The following DST variants were observed in gnomAD, a reference collection of about 807,000 sequenced individuals.
DST encodes the protein dystonin.
DST carries 253 observed loss-of-function variants against 875.2 expected under a neutral mutation model. The ratio of observed to expected loss-of-function variants is 0.29; its 90% CI spans 0.26 to 0.32. The LOEUF (loss-of-function observed/expected upper bound fraction) is 0.32. Ranked by LOEUF, DST falls within the 10% of genes least tolerant of loss-of-function variation. The probability of loss-of-function intolerance (pLI) is 1.00; values close to 1 mark genes in which losing one functional copy is unlikely to be tolerated. For synonymous variants in DST, 3,124 were observed against 3,197.1 expected (o/e 0.98, Z 0.77); for missense variants, 8,287 against 9,111.6 (o/e 0.91, Z 3.68).
chr6:56,464,128 A>C (rs76078908), intron 100 of DST: 1 of 380,380 alleles, frequency 2.6e-6, no homozygotes, highest in East Asian at 6.7e-5. Context: ...CCCTCTCATC[A>C]CACTGAGAAG....
Position 56,608,247 on chromosome 6 carries a change from T to G in DST, c.6381A>C (p.Leu2127=). 2 of 1,613,740 alleles carry G rather than the reference T, an allele frequency of 1.2e-6. No individual in the cohort carries two copies. Among genetic ancestry groups the G allele is most frequent in the South Asian group, 2.2e-5 (2 of 91,082 alleles). The stretch of plus-strand genomic sequence containing the variant: ...ATGCTGTGTTGTTGTCTATAATTCC[T>G]AGCTGTTTAGCAGCATCCAAACCAA... ...QVIGLDAAKQ[L]GIIDNNTASI... is the part of the protein sequence containing the mutation. The change falls in exon 40 of 104, where the codon CTA becomes CTC. Residue 2127 remains leucine (L), a synonymous_variant. Transcript: ENST00000680361.
intron 36 of DST, chr6:56,616,303 A>G: frequency 6.2e-7 from 1 of 1,614,004 alleles, no homozygotes; most frequent in Non-Finnish European, 8.5e-7. Flanking sequence ...GCATATGAGA[A>G]GAATGCCCAT....
intron 2 of DST, among the ~76,000 whole-genome samples, chr6:56,902,411 A>G (rs1331196639): frequency 6.6e-6 from 1 of 152,220 alleles, no homozygotes; most frequent in African/African-American, 2.4e-5. Context: ...CTGAAAGATA[A>G]ATGTGTACAG....
chr6:56,775,220 C>T (rs1188107302), intron 4 of DST, among the ~76,000 whole-genome samples: 2 of 152,062 alleles, frequency 1.3e-5, no homozygotes, highest in African/African-American at 4.8e-5. Context: ...ATAAGCCTCT[C>T]CTCATCCTCT....
chr6:56,559,967 A>T (rs2097508676), intron 58 of DST, among the ~76,000 whole-genome samples: 1 of 152,142 alleles, frequency 6.6e-6, no homozygotes, highest in Non-Finnish European at 1.5e-5. Flanking sequence ...CAGCTTAAAA[A>T]TATATAAAGC....
At chr6:56,781,795 T>C (rs566327871) in intron 4 of DST, among the ~76,000 whole-genome samples, 9,373 of 152,120 alleles carry the variant, frequency 0.062, 911 homozygotes, top group African/African-American at 0.21. Flanking sequence ...ATCCCTGTCT[T>C]GTGCCAGTTT....
At chr6:56,745,071 C>G (rs369063699) in intron 4 of DST, among the ~76,000 whole-genome samples, 1 of 152,094 alleles carries the variant, frequency 6.6e-6, no homozygotes, top group Non-Finnish European at 1.5e-5. Context: ...AGTCCACTCC[C>G]CAGCCACTCG....
rs2097796403 is a variant in DST, at chr6:56,572,738, G to A, written c.13554+9C>T. ...CTGATTAGCCTCCTGAGTAGTAAGGGAGGCATACCTGCATATACTGAGACA... is the reference window on the plus strand; with the variant it reads ...CTGATTAGCCTCCTGAGTAGTAAGGAAGGCATACCTGCATATACTGAGACA... On this transcript the variant is annotated intron_variant, in intron 52 of 103. Transcript: ENST00000680361. 3.2e-6 allele frequency: 5 copies of A among 1,551,072 alleles called. No homozygotes were observed. Among genetic ancestry groups the A allele is most frequent in the Non-Finnish European group, 4.3e-6 (5 of 1,151,882 alleles).
chr6:56,666,697 T>TAATTATCAAGTAAAAAC (rs2152821180), intron 10 of DST, among the ~76,000 whole-genome samples: 1 of 151,570 alleles, frequency 6.6e-6, no homozygotes, highest in African/African-American at 2.4e-5. Flanking sequence ...CTTATGGGAA[T>TAATTATCAAGTAAAAAC]AATTATCAAG....
intron 95 of DST, 70 bp downstream of exon 95, chr6:56,471,036 C>A: frequency 6.9e-7 from 1 of 1,450,284 alleles, no homozygotes. Flanking sequence ...TTTACCAGAC[C>A]CACACTTTTA....
chr6:56,506,673 T>C lies in DST; in HGVS notation c.19356A>G (p.Ile6452Met), dbSNP rs2096326322. 1 of 1,613,504 alleles carries C rather than the reference T, an allele frequency of 6.2e-7. No homozygotes were observed. The highest frequency in any genetic ancestry group is 1.7e-5 in the Admixed American group (1 of 59,924). ...ATAAGTAAGCCAGTTGTACCTCATC[T>C]ATACTCTTCTTGACAATGGGTTTAT... Reference protein sequence around the residue: ...EPDKPIVKKSIDELNSAWDSL... With the variant: ...EPDKPIVKKSMDELNSAWDSL... The change falls in exon 76 of 104, where the codon ATA becomes ATG. Residue 6452 changes from isoleucine to methionine, a missense_variant. Transcript: ENST00000680361.
chr6:56,500,692 A>C (rs990228375), intron 80 of DST, among the ~76,000 whole-genome samples: 1 of 152,148 alleles, frequency 6.6e-6, no homozygotes, highest in African/African-American at 2.4e-5. Context: ...TAAAACCTGC[A>C]GTAGGACATT....
intron 9 of DST, among the ~76,000 whole-genome samples, chr6:56,685,589 C>G (rs142369310): frequency 6.6e-6 from 1 of 151,856 alleles, no homozygotes; most frequent in Non-Finnish European, 1.5e-5. Flanking sequence ...CTGGCCAACA[C>G]GGTGAAACCT....
intron 90 of DST, among the ~76,000 whole-genome samples, chr6:56,478,069 T>C (rs1368394360): frequency 1.3e-5 from 2 of 151,982 alleles, no homozygotes; most frequent in Non-Finnish European, 2.9e-5. Flanking sequence ...AAAAAATAAC[T>C]CTCCCAAATT....
chr6:56,838,178 T>C (rs17684878), intron 4 of DST, among the ~76,000 whole-genome samples: 25,718 of 152,012 alleles, frequency 0.17, 2,417 homozygotes, highest in African/African-American at 0.2. Flanking sequence ...AAATCATCTT[T>C]TCTTCCCAAT....
rs754722888 is a variant in DST at position 56,605,160 on chromosome 6, G to A, written c.9468C>T (p.Asp3156=). ...GTGTATTCCCTTCCCACGATGTAAT[G>A]TCTGAAGTAATGTCATCACTAATCT... is the stretch of plus-strand genomic sequence containing the variant. ...SKEISDDITS[D]ITSWEGNTHF... The change falls in exon 40 of 104, where the codon GAC becomes GAT. Residue 3156 remains aspartate, a synonymous_variant. Transcript: ENST00000680361. 1 of 1,612,230 alleles carries A rather than the reference G, an allele frequency of 6.2e-7. No homozygotes were observed. Among genetic ancestry groups the A allele is most frequent in the South Asian group, 1.1e-5 (1 of 90,978 alleles).
At chr6:56,946,135 A>G (rs1819375729) in intron 2 of DST, among the ~76,000 whole-genome samples, 1 of 152,230 alleles carries the variant, frequency 6.6e-6, no homozygotes. Context: ...AAGAGGATTC[A>G]GTGCAGAAAC....
At chr6:56,549,419 A>G (rs1024965138) in intron 61 of DST, among the ~76,000 whole-genome samples, 2 of 152,198 alleles carry the variant, frequency 1.3e-5, no homozygotes, top group African/African-American at 4.8e-5. Context: ...AATTTAAAAA[A>G]CTTTCCAAAA....
At chr6:56,646,862 C>G (rs1414104714) in intron 13 of DST, among the ~76,000 whole-genome samples, 1 of 152,068 alleles carries the variant, frequency 6.6e-6, no homozygotes, top group Non-Finnish European at 1.5e-5. Context: ...AATGTATCTC[C>G]ATATTTAATA....
Sources: gnomAD v4.1 joint callset for allele counts (sites outside exome capture counted in the v4.1 genomes callset) on GRCh38, gnomAD v4.1.1 for gene constraint, MANE v1.5 for transcripts, NCBI Gene and HGNC (gene_info 2026-07-23, HGNC 2026-07-21) for gene names.